ELMO1: variants seen among roughly 807,000 people sequenced by gnomAD.
ELMO1 encodes engulfment and cell motility 1.
Under a neutral mutation model 98.9 loss-of-function variants are expected in ELMO1, and 26 were observed. That is an observed-to-expected ratio of 0.26 (90% CI 0.19 to 0.36). The LOEUF (loss-of-function observed/expected upper bound fraction) is 0.36, where lower values mean the gene tolerates loss of function less well. Among genes scored for constraint, ELMO1 ranks in the 10% least tolerant of loss-of-function variants. The pLI, the probability that ELMO1 is intolerant of heterozygous loss-of-function variation, is 1.00. For synonymous variants in ELMO1, 346 were observed against 346.0 expected (o/e 1.00, Z 0.00); for missense variants, 627 against 935.2 (o/e 0.67, Z 4.30).
intron 1 of ELMO1, among the ~76,000 whole-genome samples, chr7:37,384,066 C>T (rs59508120): frequency 6.6e-6 from 1 of 152,106 alleles, no homozygotes; most frequent in African/African-American, 2.4e-5. Flanking sequence ...CCACCCACCT[C>T]GGCCTCCCAG....
intron 16 of ELMO1, among the ~76,000 whole-genome samples, chr7:36,960,382 A>C (rs1788837671): frequency 6.6e-6 from 1 of 152,136 alleles, no homozygotes; most frequent in Non-Finnish European, 1.5e-5. Flanking sequence ...ACAATGACCA[A>C]CTGGCTTCTT....
intron 5 of ELMO1, among the ~76,000 whole-genome samples, chr7:37,264,296 CATAAATGAATATATATATGAACCT>C (rs1363060284): frequency 7.4e-6 from 1 of 135,494 alleles, no homozygotes; most frequent in African/African-American, 2.8e-5. Flanking sequence ...TATATGAATG[CATAAATGAATATATATATGAACCT>C]ATAAATGAAT....
chr7:37,050,967 G>A (rs780934819), intron 15 of ELMO1, among the ~76,000 whole-genome samples: 101 of 152,238 alleles, frequency 6.6e-4, no homozygotes, highest in Non-Finnish European at 6.8e-4. Context: ...AGGCATCATG[G>A]TTTATTCTAA....
chr7:37,159,196 A>C (rs1789019069), intron 13 of ELMO1, among the ~76,000 whole-genome samples: 1 of 152,160 alleles, frequency 6.6e-6, no homozygotes, highest in Non-Finnish European at 1.5e-5. Flanking sequence ...AGAAATACCT[A>C]ATGTAAATGA....
intron 16 of ELMO1, among the ~76,000 whole-genome samples, chr7:36,989,970 C>T (rs1791763837): frequency 6.6e-6 from 1 of 152,044 alleles, no homozygotes; most frequent in Non-Finnish European, 1.5e-5. Flanking sequence ...GCCTTCAATC[C>T]TTCTCCCCTT....
At chr7:37,079,069 T>C (rs534598981) in intron 15 of ELMO1, among the ~76,000 whole-genome samples, 14 of 152,302 alleles carry the variant, frequency 9.2e-5, no homozygotes, top group Admixed American at 3.9e-4. Flanking sequence ...TCAGAATCTG[T>C]TGGTAGACAC....
chr7:37,434,961 C>A (rs555229694), intron 1 of ELMO1, among the ~76,000 whole-genome samples: 1 of 152,290 alleles, frequency 6.6e-6, no homozygotes, highest in African/African-American at 2.4e-5. Context: ...TGCAAACTTC[C>A]TCCTCTAATG....
At chr7:37,099,322 T>G (rs1784520875) in intron 14 of ELMO1, among the ~76,000 whole-genome samples, 1 of 152,248 alleles carries the variant, frequency 6.6e-6, no homozygotes, top group Non-Finnish European at 1.5e-5. Flanking sequence ...ATGCTACTAG[T>G]TAGATATTAC....
intron 16 of ELMO1, among the ~76,000 whole-genome samples, chr7:36,950,198 G>C (rs911263351): frequency 5.9e-5 from 9 of 152,196 alleles, no homozygotes; most frequent in Non-Finnish European, 1.3e-4. Context: ...CTGGAGATGA[G>C]CGACTCCTGA....
chr7:37,074,116 TATATAA>T (rs1157750082), intron 15 of ELMO1, among the ~76,000 whole-genome samples: 2 of 148,188 alleles, frequency 1.3e-5, no homozygotes, highest in Non-Finnish European at 3.0e-5. Flanking sequence ...TATATTTAAG[TATATAA>T]ATATATTTAT....
intron 13 of ELMO1, among the ~76,000 whole-genome samples, chr7:37,147,030 T>C (rs1788031962): frequency 6.6e-6 from 1 of 151,740 alleles, no homozygotes; most frequent in Non-Finnish European, 1.5e-5. Context: ...CAAAAGGTCT[T>C]TGGTGACTAG....
intron 4 of ELMO1, among the ~76,000 whole-genome samples, chr7:37,294,069 T>C (rs1489739905): frequency 3.3e-5 from 5 of 152,162 alleles, no homozygotes. Flanking sequence ...GCATATACTT[T>C]TTAAAATACA....
intron 15 of ELMO1, among the ~76,000 whole-genome samples, chr7:37,090,601 A>G (rs1784030861): frequency 6.6e-6 from 1 of 151,646 alleles, no homozygotes; most frequent in Non-Finnish European, 1.5e-5. Context: ...CACTGCCTGG[A>G]ATTTTCAACA....
intron 1 of ELMO1, chr7:37,375,922 C>A (rs368279245): frequency 3.0e-5 from 19 of 640,826 alleles, no homozygotes; most frequent in African/African-American, 5.4e-5. Flanking sequence ...TGCTGCTGTG[C>A]CTCCTGGTGC....
intron 13 of ELMO1, among the ~76,000 whole-genome samples, chr7:37,210,178 A>G (rs1041262987): frequency 6.6e-6 from 1 of 152,314 alleles, no homozygotes; most frequent in Non-Finnish European, 1.5e-5. Context: ...CCTTGAAAAC[A>G]TATCTCATAC....
intron 15 of ELMO1, among the ~76,000 whole-genome samples, chr7:37,069,587 T>G (rs1304170598): frequency 6.6e-6 from 1 of 152,180 alleles, no homozygotes; most frequent in African/African-American, 2.4e-5. Flanking sequence ...GTGCTAAAAT[T>G]TCTAAAGTCT....
chr7:37,201,864 C>A (rs1263819754), intron 13 of ELMO1, among the ~76,000 whole-genome samples: 1 of 152,184 alleles, frequency 6.6e-6, no homozygotes, highest in Admixed American at 6.5e-5. Context: ...TGCAGCATTT[C>A]AGATAGGAAA....
chr7:37,258,642 T>G (rs879694274), intron 6 of ELMO1, among the ~76,000 whole-genome samples: 28 of 152,232 alleles, frequency 1.8e-4, no homozygotes, highest in Non-Finnish European at 2.6e-4. Context: ...TGACTGCATT[T>G]AATTTCAAGT....
intron 16 of ELMO1, among the ~76,000 whole-genome samples, chr7:36,955,070 G>C (rs1333977522): frequency 6.6e-6 from 1 of 152,162 alleles, no homozygotes; most frequent in African/African-American, 2.4e-5. Context: ...GCACACAAAA[G>C]GGGCTCTCTC....
Sources: allele counts gnomAD v4.1 joint callset (sites outside exome capture counted in the v4.1 genomes callset), GRCh38; gene constraint gnomAD v4.1.1; transcripts MANE v1.5; gene names NCBI Gene and HGNC (gene_info 2026-07-23, HGNC 2026-07-21).